The following SMIM8 variants were observed in gnomAD, a reference collection of about 807,000 sequenced individuals.
The protein encoded by SMIM8 is small integral membrane protein 8, also known as UPF0708 protein C6orf162.
SMIM8 carries 8 observed loss-of-function variants against 8.1 expected under a neutral mutation model. The observed-to-expected ratio is 0.99, with a 90% CI of 0.58 to 1.78. The LOEUF is 1.78. SMIM8 is among the 40% of genes most tolerant of loss of function. The pLI is 0.00. For missense variants in SMIM8, 126 were observed against 119.8 expected (o/e 1.05, Z -0.24); for synonymous variants, 45 against 39.7 (o/e 1.13, Z -0.50).
intron 1 of SMIM8, among the ~76,000 whole-genome samples, chr6:87,329,449 ATT>A (rs1776937130): frequency 6.6e-6 from 1 of 151,952 alleles, no homozygotes; most frequent in Non-Finnish European, 1.5e-5. Flanking sequence ...TAATTTTTGT[ATT>A]TTTAGTAGAG....
chr6:87,332,659 C>G (rs1410795370), intron 2 of SMIM8, among the ~76,000 whole-genome samples: 1 of 28,306 alleles, frequency 3.5e-5, no homozygotes, highest in Admixed American at 2.1e-4. Flanking sequence ...ATGTAATAAA[C>G]TATGCTCTGA....
Position 87,340,148 on chromosome 6 carries a change from T to A in SMIM8, c.168T>A (p.Thr56=), listed in dbSNP as rs1777191617. ...CTGTAATGGCTTTCGGATTGGTAAC[T>A]CTTTCACTTTGCGTGGCATATATTG... ...NKPVMAFGLV[T]LSLCVAYIGY... The change falls in exon 4 of 4, where the codon ACT becomes ACA. Residue 56 remains threonine, a synonymous_variant. Coordinates refer to ENST00000392863, the MANE Select transcript of SMIM8 (RefSeq NM_001042493.3). 6.2e-7 allele frequency: 1 copy of A among 1,601,254 alleles called. No individual in the cohort carries two copies. Among genetic ancestry groups the A allele is most frequent in the Non-Finnish European group, 8.5e-7 (1 of 1,175,948 alleles).
intron 3 of SMIM8, among the ~76,000 whole-genome samples, chr6:87,337,642 T>C (rs1042436237): frequency 1.3e-5 from 2 of 152,210 alleles, no homozygotes; most frequent in African/African-American, 2.4e-5. Flanking sequence ...TTTGATGATA[T>C]TCATTTATTT....
chr6:87,331,576 AT>A (rs1200732374), intron 2 of SMIM8, among the ~76,000 whole-genome samples: 3 of 152,138 alleles, frequency 2.0e-5, no homozygotes, highest in African/African-American at 7.2e-5. Flanking sequence ...ATACAGAAGA[AT>A]TTTCTCGTAT....
At chr6:87,326,099 G>A (rs946816341) in intron 1 of SMIM8, among the ~76,000 whole-genome samples, 2 of 152,154 alleles carry the variant, frequency 1.3e-5, no homozygotes, top group African/African-American at 4.8e-5. Flanking sequence ...ATTTCTGTGG[G>A]ATCGGTGGTG....
At chr6:87,323,251 G>A (rs956477763) in intron 1 of SMIM8, among the ~76,000 whole-genome samples, 13 of 145,474 alleles carry the variant, frequency 8.9e-5, no homozygotes, top group African/African-American at 2.7e-4. Context: ...GAGGTGGAAA[G>A]ATACTTTTGT....
chr6:87,337,191 C>T (rs1358309348), intron 3 of SMIM8, 25 bp downstream of exon 3: 1 of 1,569,664 alleles, frequency 6.4e-7, no homozygotes, highest in Non-Finnish European at 8.6e-7. Flanking sequence ...CAGGATAAGA[C>T]TTTGTGTTTA....
At chr6:87,332,320 CATATATGT>C (rs1562223260) in intron 2 of SMIM8, among the ~76,000 whole-genome samples, 7 of 93,084 alleles carry the variant, frequency 7.5e-5, no homozygotes, top group Admixed American at 9.1e-5. Flanking sequence ...CCTCCCCCCC[CATATATGT>C]ATATATATAT....
intron 2 of SMIM8, among the ~76,000 whole-genome samples, chr6:87,333,236 G>T (rs1195107949): frequency 6.6e-6 from 1 of 152,066 alleles, no homozygotes; most frequent in Non-Finnish European, 1.5e-5. Flanking sequence ...CTCTCCAGGG[G>T]ACTAATAGAG....
chr6:87,327,090 C>G (rs1776841874), intron 1 of SMIM8, among the ~76,000 whole-genome samples: 1 of 151,142 alleles, frequency 6.6e-6, no homozygotes, highest in African/African-American at 2.4e-5. Context: ...GGATTGCAAC[C>G]CCTGCTTTTT....
chr6:87,333,712 C>G (rs542958094), intron 2 of SMIM8, among the ~76,000 whole-genome samples: 4 of 152,324 alleles, frequency 2.6e-5, no homozygotes, highest in Admixed American at 6.5e-5. Flanking sequence ...AAAAGGGATT[C>G]TGGGACTAAA....
In SMIM8 at chr6:87,341,684, G is replaced by A. The variant is rs980592751; in HGVS notation, c.*1410G>A. ...GGTACATGAAAATGTAATTATGTGT[G>A]ATTTGTAGGTATTAAAGAACTTAGC... On this transcript the variant is annotated 3_prime_UTR_variant, in exon 4 of 4. Coordinates refer to ENST00000392863, the MANE Select transcript of SMIM8 (RefSeq NM_001042493.3). 6.0e-6 allele frequency: 1 copy of A among 167,120 alleles called. No homozygotes were observed. The highest frequency in any genetic ancestry group is 6.4e-5 in the Admixed American group (1 of 15,712). The allele number at this position is 167,120 out of a possible 1,614,324, so 10.4% of individuals were successfully genotyped here.
intron 3 of SMIM8, among the ~76,000 whole-genome samples, chr6:87,339,503 A>T (rs1199731162): frequency 6.6e-6 from 1 of 151,476 alleles, no homozygotes. Flanking sequence ...AGGGTCTTGG[A>T]TTGTCCAAGA....
Position 87,341,501 on chromosome 6 carries a change from C to A in SMIM8, c.*1227C>A. On this transcript the variant is annotated 3_prime_UTR_variant, in exon 4 of 4. Transcript: ENST00000392863. The stretch of plus-strand genomic sequence containing the variant: ...ACCCGTTTCATTTCTAGATATATAC[C>A]TAATTCTCCAAATCATTGTCATTGG... The A allele has an allele frequency of 5.2e-6, 2 of 387,412 alleles. No homozygotes were observed. The highest frequency in any genetic ancestry group is 9.1e-6 in the Non-Finnish European group (2 of 219,674). The allele number at this position is 387,412 out of a possible 1,614,324, so 24.0% of individuals were successfully genotyped here.
chr6:87,333,466 T>C (rs1413512850), intron 2 of SMIM8, among the ~76,000 whole-genome samples: 2 of 152,214 alleles, frequency 1.3e-5, no homozygotes, highest in East Asian at 1.9e-4. Context: ...ACACCTGTTA[T>C]AGGCACCTGG....
chr6:87,339,433 TGTTTGTG>T (rs1562225739), intron 3 of SMIM8, among the ~76,000 whole-genome samples: 5 of 93,408 alleles, frequency 5.4e-5, no homozygotes, highest in African/African-American at 2.2e-4. Flanking sequence ...TGTGTGTGTG[TGTTTGTG>T]TGTGTGTGTG....
chr6:87,334,732 G>A (rs1777068459), intron 2 of SMIM8, among the ~76,000 whole-genome samples: 2 of 152,300 alleles, frequency 1.3e-5, no homozygotes, highest in African/African-American at 4.8e-5. Flanking sequence ...ATGCATTTTG[G>A]AACAATTGTC....
chr6:87,323,686 T>A (rs1319179229), intron 1 of SMIM8, among the ~76,000 whole-genome samples: 1 of 152,190 alleles, frequency 6.6e-6, no homozygotes, highest in Non-Finnish European at 1.5e-5. Context: ...GTTGGACATT[T>A]GGGTTGGTTC....
At chr6:87,333,592 G>A (rs955947373) in intron 2 of SMIM8, among the ~76,000 whole-genome samples, 1 of 152,198 alleles carries the variant, frequency 6.6e-6, no homozygotes, top group Non-Finnish European at 1.5e-5. Context: ...AGTAGTGGAA[G>A]CAGTAGATTG....
Sources: allele counts gnomAD v4.1 joint callset (sites outside exome capture counted in the v4.1 genomes callset), GRCh38; gene constraint gnomAD v4.1.1; transcripts MANE v1.5; gene names NCBI Gene and HGNC (gene_info 2026-07-23, HGNC 2026-07-21).